CSMD1: variants seen among roughly 807,000 people sequenced by gnomAD.
The protein encoded by CSMD1 is CUB and Sushi multiple domains 1.
A neutral mutation model predicts 417.5 loss-of-function variants in CSMD1; 213 were observed. That is an observed-to-expected ratio of 0.51 (90% CI 0.46 to 0.57). The LOEUF is 0.57. CSMD1 is among the 20% of genes least tolerant of loss of function. The pLI, the probability that CSMD1 is intolerant of heterozygous loss-of-function variation, is 0.00. For synonymous variants in CSMD1, 2,862 were observed against 1,736.8 expected (o/e 1.65, Z -16.11); for missense variants, 6,923 against 4,529.7 (o/e 1.53, Z -15.17).
chr8:4,765,682 G>A (rs1157197984), intron 1 of CSMD1, among the ~76,000 whole-genome samples: 2 of 152,200 alleles, frequency 1.3e-5, no homozygotes, highest in African/African-American at 2.4e-5. Context: ...TGGAGCAAAC[G>A]AAGGAGTGGC....
intron 3 of CSMD1, among the ~76,000 whole-genome samples, chr8:4,126,297 C>T (rs1342170884): frequency 1.3e-5 from 2 of 152,142 alleles, no homozygotes; most frequent in Non-Finnish European, 2.9e-5. Flanking sequence ...TAGCAATGTC[C>T]CTGTTGATAA....
intron 2 of CSMD1, among the ~76,000 whole-genome samples, chr8:4,625,085 G>A (rs1334106323): frequency 3.3e-5 from 5 of 152,010 alleles, no homozygotes; most frequent in African/African-American, 7.3e-5. Flanking sequence ...TTCCTTAATT[G>A]GATGGGTCAA....
chr8:4,952,510 T>C (rs149548819), intron 1 of CSMD1, among the ~76,000 whole-genome samples: 1 of 152,070 alleles, frequency 6.6e-6, no homozygotes, highest in African/African-American at 2.4e-5. Flanking sequence ...TACCTTTTCA[T>C]GAATTACTTA....
chr8:4,114,686 G>C (rs942141353), intron 3 of CSMD1, among the ~76,000 whole-genome samples: 3 of 152,290 alleles, frequency 2.0e-5, no homozygotes, highest in South Asian at 2.1e-4. Flanking sequence ...TGCTTCATGG[G>C]AGGAGGTCAA....
At chr8:4,008,600 CTTTTTTTTTTTTTTT>C (rs1161117794) in intron 4 of CSMD1, among the ~76,000 whole-genome samples, 2 of 80,408 alleles carry the variant, frequency 2.5e-5, no homozygotes, top group South Asian at 5.3e-4. Context: ...TTCTTTTTTT[CTTTTTTTTTTTTTTT>C]TTTTTTTTTT....
intron 52 of CSMD1, among the ~76,000 whole-genome samples, chr8:3,016,547 A>G (rs760026767): frequency 8.7e-4 from 132 of 152,326 alleles, no homozygotes; most frequent in African/African-American, 2.9e-3. Flanking sequence ...TGCAAAAACT[A>G]TATTTATTAA....
chr8:3,917,567 A>G (rs1808914797), intron 5 of CSMD1, among the ~76,000 whole-genome samples: 1 of 151,886 alleles, frequency 6.6e-6, no homozygotes, highest in South Asian at 2.1e-4. Context: ...AAACTGCAAA[A>G]TATTTGCAAC....
chr8:4,686,460 G>C (rs1365560055), intron 1 of CSMD1, among the ~76,000 whole-genome samples: 1 of 152,210 alleles, frequency 6.6e-6, no homozygotes, highest in African/African-American at 2.4e-5. Flanking sequence ...TTGTGCGAGA[G>C]GGGGCCTCCC....
At chr8:3,337,621 C>A (rs910095218) in intron 23 of CSMD1, among the ~76,000 whole-genome samples, 10 of 152,132 alleles carry the variant, frequency 6.6e-5, no homozygotes, top group Admixed American at 4.6e-4. Flanking sequence ...AAACCAGCGC[C>A]TGGACAGAGA....
At chr8:3,762,952 C>A (rs1376244392) in intron 5 of CSMD1, among the ~76,000 whole-genome samples, 1 of 139,094 alleles carries the variant, frequency 7.2e-6, no homozygotes, top group East Asian at 1.9e-4. Flanking sequence ...TTCTGCTCAT[C>A]CCCCAACTCT....
chr8:3,729,494 C>G (rs966399404), intron 6 of CSMD1, among the ~76,000 whole-genome samples: 2 of 152,226 alleles, frequency 1.3e-5, no homozygotes, highest in Middle Eastern at 6.8e-3. Context: ...CAATATGTAT[C>G]CCCAGCAAGA....
intron 3 of CSMD1, among the ~76,000 whole-genome samples, chr8:4,268,552 T>C (rs1278140401): frequency 2.6e-5 from 4 of 152,160 alleles, no homozygotes; most frequent in African/African-American, 9.7e-5. Context: ...TTTCACTTAC[T>C]TGAAAGATTA....
At chr8:3,755,815 G>A (rs1313457307) in intron 5 of CSMD1, among the ~76,000 whole-genome samples, 1 of 152,006 alleles carries the variant, frequency 6.6e-6, no homozygotes, top group Non-Finnish European at 1.5e-5. Flanking sequence ...ATAATCTTCT[G>A]TAAGAGAAGT....
At chr8:4,691,841 G>C (rs965015094) in intron 1 of CSMD1, among the ~76,000 whole-genome samples, 1 of 152,154 alleles carries the variant, frequency 6.6e-6, no homozygotes, top group Non-Finnish European at 1.5e-5. Context: ...GGTTTTAATG[G>C]GCCAGTGTTT....
chr8:2,967,294 G>C (rs1457333894), intron 57 of CSMD1, among the ~76,000 whole-genome samples: 1 of 152,138 alleles, frequency 6.6e-6, no homozygotes, highest in Non-Finnish European at 1.5e-5. Context: ...TTGTAAAATG[G>C]TGTCCTCAAT....
chr8:4,078,500 G>A (rs1030813931), intron 3 of CSMD1, among the ~76,000 whole-genome samples: 1 of 151,614 alleles, frequency 6.6e-6, no homozygotes, highest in Non-Finnish European at 1.5e-5. Flanking sequence ...TCCTGACCTT[G>A]TGATCTGCCC....
At chr8:4,008,605 T>C (rs941885199) in intron 4 of CSMD1, among the ~76,000 whole-genome samples, 2 of 119,166 alleles carry the variant, frequency 1.7e-5, no homozygotes, top group African/African-American at 3.6e-5. Flanking sequence ...TTTTTCTTTT[T>C]TTTTTTTTTT....
intron 57 of CSMD1, among the ~76,000 whole-genome samples, chr8:2,971,289 C>A (rs940198343): frequency 2.0e-5 from 3 of 152,144 alleles, no homozygotes; most frequent in African/African-American, 7.2e-5. Flanking sequence ...TAACGCCTCT[C>A]ATAACTCTCT....
At chr8:3,874,408 T>C (rs1239696055) in intron 5 of CSMD1, among the ~76,000 whole-genome samples, 4 of 152,216 alleles carry the variant, frequency 2.6e-5, no homozygotes, top group East Asian at 1.9e-4. Context: ...ACAGTCATTA[T>C]AGGTTTTATC....
Sources: allele counts gnomAD v4.1 joint callset (sites outside exome capture counted in the v4.1 genomes callset), GRCh38; gene constraint gnomAD v4.1.1; transcripts MANE v1.5; gene names NCBI Gene and HGNC (gene_info 2026-07-23, HGNC 2026-07-21).